TENM2: variants seen among roughly 807,000 people sequenced by gnomAD.
TENM2 encodes the protein teneurin transmembrane protein 2.
In TENM2, 52 loss-of-function variants were observed where a neutral mutation model predicts 245.2. That is an observed-to-expected ratio of 0.21 (90% CI 0.17 to 0.27). TENM2 has a LOEUF of 0.27. Ranked by LOEUF, TENM2 falls within the 10% of genes least tolerant of loss-of-function variation. TENM2 has a pLI of 1.00. For synonymous variants in TENM2, 1,363 were observed against 1,438.9 expected, an observed-to-expected ratio of 0.95 and a Z score of 1.19; for missense variants, 3,046 against 3,666.8, an observed-to-expected ratio of 0.83 and a Z score of 4.37.
At chr5:168,248,093 T>C (rs769910572) in exon 27 of TENM2, 1 of 1,613,946 alleles carries the variant, frequency 6.2e-7, no homozygotes, top group East Asian at 2.2e-5. Flanking sequence ...AACGGCCTCA[T>C]GATCAAACAG....
At chr5:168,180,323 G>A (rs1759759044) in intron 13 of TENM2, among the ~76,000 whole-genome samples, 1 of 152,216 alleles carries the variant, frequency 6.6e-6, no homozygotes, top group East Asian at 1.9e-4. Context: ...CTCATAACGT[G>A]TATCCATATA....
At chr5:167,760,572 A>G (rs2150705262) in intron 2 of TENM2, among the ~76,000 whole-genome samples, 1 of 152,266 alleles carries the variant, frequency 6.6e-6, no homozygotes, top group Non-Finnish European at 1.5e-5. Context: ...CCTAGAGTGG[A>G]CAGCCAGTTT....
At chr5:167,477,467 G>A (rs1243032018) in intron 2 of TENM2, among the ~76,000 whole-genome samples, 1 of 152,072 alleles carries the variant, frequency 6.6e-6, no homozygotes, top group East Asian at 1.9e-4. Context: ...TATGCTTGAG[G>A]AACCATTAAC....
chr5:168,097,878 T>G (rs1435934246), intron 8 of TENM2, 148 bp from the exon 11 acceptor site: 1 of 628,350 alleles, frequency 1.6e-6, no homozygotes, highest in Non-Finnish European at 2.9e-6. Flanking sequence ...ATTCTCTTCC[T>G]TCACTCATTC....
At chr5:167,022,097 A>G in the TENM2 span, among the ~76,000 whole-genome samples, 1 of 152,214 alleles carries the variant, frequency 6.6e-6, no homozygotes, top group African/African-American at 2.4e-5. Context: ...TTCATATAAC[A>G]TTTCTTCTGT....
chr5:168,073,233 T>C (rs1482848502), intron 7 of TENM2, among the ~76,000 whole-genome samples: 1 of 152,214 alleles, frequency 6.6e-6, no homozygotes, highest in South Asian at 2.1e-4. Flanking sequence ...ATATCAGCTA[T>C]TGTTATTACT....
rs1020771177 is a variant in TENM2 at position 168,208,184 on chromosome 5, G to A, written c.3825-3550G>A. On this transcript the variant is annotated intron_variant, in intron 19 of 28. Coordinates refer to ENST00000518659, the Ensembl canonical transcript of TENM2. Reference sequence around the variant, plus strand: ...CTCAATATGAGGCAGTAAATTATACGGGATGGGACGGTATCTCTCTCCCTT... The same window carrying A: ...CTCAATATGAGGCAGTAAATTATACAGGATGGGACGGTATCTCTCTCCCTT... 2.0e-5 allele frequency among the ~76,000 whole-genome samples: 3 copies of A among 152,096 alleles called. No individual in the cohort carries two copies. In the East Asian group the frequency reaches 5.8e-4, roughly 29 times the overall value.
chr5:166,993,864 T>G, the TENM2 span, among the ~76,000 whole-genome samples: 1 of 152,028 alleles, frequency 6.6e-6, no homozygotes, highest in East Asian at 1.9e-4. Flanking sequence ...AAAGGAAGCA[T>G]GCTTTTGAAG....
chr5:168,183,684 C>T (rs1031517676), intron 13 of TENM2, among the ~76,000 whole-genome samples: 1 of 152,018 alleles, frequency 6.6e-6, no homozygotes, highest in African/African-American at 2.4e-5. Flanking sequence ...TAATTTTTCA[C>T]CTCTTCATCA....
At position 167,864,910 on chromosome 5, in the gene TENM2, C is replaced by T. The variant is rs115016704; in HGVS notation, c.503-11076C>T. ...ATTATTGTTTCTATATACCAGGAAC[C>T]GCAAGAAGTGAACATAAAAATGAGT... On this transcript the variant is annotated intron_variant, in intron 2 of 28. Transcript: ENST00000518659. 4.7e-3 allele frequency among the ~76,000 whole-genome samples: 711 copies of T among 152,202 alleles called. 7 individuals carry two copies. The highest frequency in any genetic ancestry group is 0.016 in the African/African-American group (672 of 41,520).
At chr5:167,012,729 A>G in the TENM2 span, among the ~76,000 whole-genome samples, 1 of 152,160 alleles carries the variant, frequency 6.6e-6, no homozygotes, top group Non-Finnish European at 1.5e-5. Flanking sequence ...AATTTGTGCT[A>G]TCAGGTACAG....
At chr5:168,113,487 A>G (rs1794841337) in intron 9 of TENM2, among the ~76,000 whole-genome samples, 1 of 152,106 alleles carries the variant, frequency 6.6e-6, no homozygotes, top group Non-Finnish European at 1.5e-5. Context: ...GAGCCTCTCC[A>G]ATATCCTTAA....
At position 167,370,118 on chromosome 5, in the gene TENM2, A is replaced by G. The variant is rs181640690; in HGVS notation, c.227-5080A>G. Among the ~76,000 whole-genome samples the G allele has an allele frequency of 5.9e-3, 897 of 152,224 alleles. 5 individuals carry two copies. Among genetic ancestry groups the G allele is most frequent in the Non-Finnish European group, 9.5e-3 (647 of 68,006 alleles). The stretch of plus-strand genomic sequence containing the variant: ...AGCACTTTGGGAAGCTGAGGTGGGC[A>G]GATCACGAGGTCAGGAGATCGAGAC... On this transcript the variant is annotated intron_variant, in intron 1 of 28. Transcript: ENST00000518659.
intron 5 of TENM2, among the ~76,000 whole-genome samples, chr5:168,027,138 G>A (rs1221708869): frequency 1.3e-5 from 2 of 152,064 alleles, no homozygotes; most frequent in Admixed American, 1.3e-4. Context: ...AAATGACACA[G>A]AAGCACACTC....
intron 2 of TENM2, among the ~76,000 whole-genome samples, chr5:167,691,842 G>C (rs1008437061): frequency 6.6e-6 from 1 of 152,132 alleles, no homozygotes; most frequent in Non-Finnish European, 1.5e-5. Context: ...AGAGAGGTTG[G>C]GGGCATAGCC....
At position 167,556,467 on chromosome 5, in the gene TENM2, T is replaced by G. The variant is rs1773267589; in HGVS notation, c.502+180994T>G. Among the ~76,000 whole-genome samples the G allele has an allele frequency of 2.0e-5, 3 of 151,622 alleles. No homozygotes were observed. In the South Asian group the frequency reaches 6.2e-4, roughly 31 times the overall value. On this transcript the variant is annotated intron_variant, in intron 2 of 28. Transcript: ENST00000518659. ...ATCTGTCACATCAAAATTCAGCGTG[T>G]ACGTTTGCTTATTCTAGTTGTGTTG... is the stretch of plus-strand genomic sequence containing the variant.
intron 10 of TENM2, 40 bp downstream of exon 12, chr5:168,118,526 A>T: frequency 6.9e-7 from 1 of 1,446,560 alleles, no homozygotes. Context: ...CAGTGGAGGG[A>T]GGCGTTTGCA....
the TENM2 span, among the ~76,000 whole-genome samples, chr5:167,104,982 T>C: frequency 2.9e-4 from 44 of 152,370 alleles, no homozygotes; most frequent in African/African-American, 1.1e-3. Flanking sequence ...CAAATGCATT[T>C]AGTCTCCAGA....
At chr5:167,513,938 T>G (rs780648705) in intron 2 of TENM2, among the ~76,000 whole-genome samples, 4 of 152,176 alleles carry the variant, frequency 2.6e-5, no homozygotes, top group Non-Finnish European at 4.4e-5. Context: ...GAAGGAAGAA[T>G]GATAAGGCAT....
Sources: gnomAD v4.1 joint callset for allele counts (sites outside exome capture counted in the v4.1 genomes callset) on GRCh38, gnomAD v4.1.1 for gene constraint, MANE v1.5 for transcripts, NCBI Gene and HGNC (gene_info 2026-07-23, HGNC 2026-07-21) for gene names.